ANKRD55: variants seen among roughly 807,000 people sequenced by gnomAD.
The protein encoded by ANKRD55 is ankyrin repeat domain 55.
Under a neutral mutation model 60.6 loss-of-function variants are expected in ANKRD55, and 41 were observed. The ratio of observed to expected loss-of-function variants is 0.68; its 90% CI spans 0.53 to 0.88. The LOEUF (loss-of-function observed/expected upper bound fraction) is 0.88, where lower values mean the gene tolerates loss of function less well. ANKRD55 is among the 40% of genes least tolerant of loss of function. The pLI, the probability that ANKRD55 is intolerant of heterozygous loss-of-function variation, is 0.00. For missense variants in ANKRD55, 732 were observed against 767.6 expected, an observed-to-expected ratio of 0.95 and a Z score of 0.55; for synonymous variants, 264 against 290.3, an observed-to-expected ratio of 0.91 and a Z score of 0.92.
At position 56,203,590 on chromosome 5, in the gene ANKRD55, G is replaced by GT. The variant is rs539311951; in HGVS notation, c.59-19957dup. Among the ~76,000 whole-genome samples the GT allele has an allele frequency of 4.0e-4, 61 of 152,104 alleles. No homozygotes were observed. In the South Asian group the frequency reaches 0.012, roughly 31 times the overall value. On this transcript the variant is annotated intron_variant, in intron 2 of 11. Transcript: ENST00000341048. ...TATGAGTGAGAACATGCGGTGTTTG[G>GT]TTTTTTGTCCTTTCGATAGTTTGCT...
chr5:56,191,180 C>T (rs546755635), intron 2 of ANKRD55, among the ~76,000 whole-genome samples: 4 of 152,108 alleles, frequency 2.6e-5, no homozygotes, highest in Non-Finnish European at 5.9e-5. Flanking sequence ...ATTGTTTTGG[C>T]TATTTTGGGG....
chr5:56,205,895 C>T (rs1759493368), intron 2 of ANKRD55, among the ~76,000 whole-genome samples: 1 of 152,072 alleles, frequency 6.6e-6, no homozygotes, highest in Non-Finnish European at 1.5e-5. Flanking sequence ...ATTCTGTCAG[C>T]TGGTCTCCCA....
At chr5:56,210,582 A>G (rs915791761) in intron 2 of ANKRD55, among the ~76,000 whole-genome samples, 10 of 150,738 alleles carry the variant, frequency 6.6e-5, no homozygotes, top group Non-Finnish European at 1.0e-4. Flanking sequence ...AAAAAAAAAA[A>G]AAAGAAAGTG....
At position 56,232,951 on chromosome 5, in the gene ANKRD55, A is replaced by G. The variant is rs780320453; in HGVS notation, c.-33-5T>C. The G allele has an allele frequency of 3.8e-6, 6 of 1,599,756 alleles. No homozygotes were observed. Among genetic ancestry groups the G allele is most frequent in the Non-Finnish European group, 5.1e-6 (6 of 1,167,124 alleles). On this transcript the variant is annotated splice_polypyrimidine_tract_variant and splice_region_variant and intron_variant, in intron 1 of 11. Coordinates refer to ENST00000341048, the MANE Select transcript of ANKRD55 (RefSeq NM_024669.3). ...TGGCAAAAAGCATCCAGGTCTCTAGAGAGGAGAAAACACCATCTCAAACCT... is the reference window on the plus strand; with the variant it reads ...TGGCAAAAAGCATCCAGGTCTCTAGGGAGGAGAAAACACCATCTCAAACCT...
chr5:56,220,987 T>C (rs1396038713), intron 2 of ANKRD55, among the ~76,000 whole-genome samples: 3 of 152,242 alleles, frequency 2.0e-5, no homozygotes, highest in Non-Finnish European at 4.4e-5. Flanking sequence ...AGGCAACATA[T>C]AATTTGCTTC....
chr5:56,127,106 T>C lies in ANKRD55; in HGVS notation c.613A>G (p.Ser205Gly). Residue 205 changes from serine (S) to glycine (G), a missense_variant and splice_region_variant, in exon 8 of 12, where the codon AGT becomes GGT. Ser to Gly is a moderately conservative substitution (Grantham distance 56). Around this residue, in one of 3 missense-constraint regions of ANKRD55, gnomAD observed 597 missense variants for 607.5 expected, o/e 0.98. Transcript: ENST00000341048. ...ATGGAGCACAGAATCCTATTTCCAC[T>C]CTGGAAAAGAGAGTCAAAGAAAGCC... Reference protein sequence around the residue: ...FKTALHWAVQSGNRILCSIIL... With the variant: ...FKTALHWAVQGGNRILCSIIL... 1 of 1,599,988 alleles carries C rather than the reference T, an allele frequency of 6.3e-7. No homozygotes were observed. Among genetic ancestry groups the C allele is most frequent in the South Asian group, 1.1e-5 (1 of 88,414 alleles).
intron 2 of ANKRD55, among the ~76,000 whole-genome samples, chr5:56,208,879 C>G (rs1759584661): frequency 6.6e-6 from 1 of 152,096 alleles, no homozygotes; most frequent in Non-Finnish European, 1.5e-5. Flanking sequence ...TCTTATGGAA[C>G]CACCATCATA....
intron 5 of ANKRD55, among the ~76,000 whole-genome samples, chr5:56,167,774 T>C (rs1758517553): frequency 6.6e-6 from 1 of 152,120 alleles, no homozygotes; most frequent in South Asian, 2.1e-4. Flanking sequence ...AACTCTCTGC[T>C]CTCCTAGTTA....
At chr5:56,122,448 C>T (rs2111707523) in intron 8 of ANKRD55, among the ~76,000 whole-genome samples, 1 of 151,714 alleles carries the variant, frequency 6.6e-6, no homozygotes, top group East Asian at 2.0e-4. Flanking sequence ...GTCAGGAGTT[C>T]AAGACCAGTC....
chr5:56,208,116 C>A (rs1440650267), intron 2 of ANKRD55, among the ~76,000 whole-genome samples: 2 of 151,680 alleles, frequency 1.3e-5, no homozygotes, highest in African/African-American at 4.8e-5. Flanking sequence ...ACACATTAGC[C>A]TAGGCCTACA....
intron 7 of ANKRD55, among the ~76,000 whole-genome samples, chr5:56,135,278 C>CCCTGCCTGCCTGCCTG (rs1169110153): frequency 1.3e-5 from 1 of 76,944 alleles, no homozygotes; most frequent in African/African-American, 5.4e-5. Flanking sequence ...CTCCCTCCCT[C>CCCTGCCTGCCTGCCTG]CCTGCCTGCC....
intron 6 of ANKRD55, 72 bp downstream of exon 6, chr5:56,159,761 A>G: frequency 1.4e-6 from 2 of 1,470,778 alleles, no homozygotes; most frequent in African/African-American, 1.4e-5. Flanking sequence ...AGGAAGCACA[A>G]TGGTTCAGAA....
chr5:56,100,373 T>C (rs1756235697), intron 11 of ANKRD55, 69 bp from the exon 12 acceptor site: 1 of 1,593,352 alleles, frequency 6.3e-7, no homozygotes, highest in Admixed American at 1.7e-5. Flanking sequence ...GCAGGAGAAT[T>C]GTATTGTGTT....
chr5:56,169,470 C>T (rs1038674618), intron 5 of ANKRD55, among the ~76,000 whole-genome samples: 1 of 151,726 alleles, frequency 6.6e-6, no homozygotes, highest in Admixed American at 6.6e-5. Flanking sequence ...GAGTCATCCC[C>T]TCACGATGTC....
At chr5:56,166,086 T>TTTCTTTCTTTCTTTCTTTCTTTC (rs1554040776) in intron 5 of ANKRD55, among the ~76,000 whole-genome samples, 1 of 91,772 alleles carries the variant, frequency 1.1e-5, no homozygotes, top group East Asian at 3.4e-4. Flanking sequence ...TTTCTTTTCT[T>TTTCTTTCTTTCTTTCTTTCTTTC]TTTCTTTCTT....
intron 2 of ANKRD55, among the ~76,000 whole-genome samples, chr5:56,210,516 C>T (rs1581024190): frequency 7.2e-6 from 1 of 139,104 alleles, no homozygotes; most frequent in African/African-American, 2.8e-5. Context: ...GAGCCGAGAT[C>T]GCGCGACTGC....
At chr5:56,144,654 G>T (rs1757853597) in intron 6 of ANKRD55, among the ~76,000 whole-genome samples, 1 of 152,202 alleles carries the variant, frequency 6.6e-6, no homozygotes. Context: ...ATTTTAAGCA[G>T]GTACTGGCAT....
chr5:56,167,746 C>T (rs897020952), intron 5 of ANKRD55, among the ~76,000 whole-genome samples: 2 of 152,120 alleles, frequency 1.3e-5, no homozygotes, highest in Non-Finnish European at 2.9e-5. Context: ...GGTACAGTTT[C>T]AAGAGAGGGG....
chr5:56,170,864 A>G (rs1293194161), intron 4 of ANKRD55, 61 bp from the exon 5 acceptor site: 7 of 1,455,858 alleles, frequency 4.8e-6, no homozygotes, highest in Non-Finnish European at 5.7e-6. Context: ...TGGTCCAACA[A>G]ACTTTCTCTA....
Sources: allele counts gnomAD v4.1 joint callset (sites outside exome capture counted in the v4.1 genomes callset), GRCh38; gene constraint gnomAD v4.1.1; regional missense constraint gnomAD v4.1.1; transcripts MANE v1.5; gene names NCBI Gene and HGNC (gene_info 2026-07-23, HGNC 2026-07-21).